C19orf53: variants seen among roughly 807,000 people sequenced by gnomAD.
The protein encoded by C19orf53 is chromosome 19 open reading frame 53.
Under a neutral mutation model 6.5 loss-of-function variants are expected in C19orf53, and 9 were observed. The ratio of observed to expected loss-of-function variants is 1.38; its 90% CI spans 0.83 to 2.40. C19orf53 has a LOEUF of 2.40. Among genes scored for constraint, C19orf53 ranks in the 30% most tolerant of loss-of-function variants. The pLI is 0.00. For missense variants in C19orf53, 166 were observed against 129.7 expected (o/e 1.28, Z -1.36); for synonymous variants, 68 against 52.5 (o/e 1.29, Z -1.27).
At chr19:13,776,865 A>G (rs1165506524) in intron 2 of C19orf53, among the ~76,000 whole-genome samples, 4 of 152,196 alleles carry the variant, frequency 2.6e-5, no homozygotes, top group African/African-American at 9.7e-5. Context: ...CGGTACATGC[A>G]CTGAATTCCA....
chr19:13,778,028 G>C, intron 2 of C19orf53, 24 bp from the exon 3 acceptor site: 3 of 1,592,846 alleles, frequency 1.9e-6, no homozygotes, highest in Admixed American at 1.7e-5. Context: ...GTCACAATCT[G>C]ACTGCCCCGT....
intron 2 of C19orf53, chr19:13,775,044 G>T (rs1974353657): frequency 6.7e-6 from 3 of 446,348 alleles, no homozygotes; most frequent in Non-Finnish European, 1.2e-5. Context: ...CAGCTCTGTG[G>T]GCCTCCCTTT....
At chr19:13,775,092 A>C (rs1353675803) in intron 2 of C19orf53, among the ~76,000 whole-genome samples, 3 of 152,094 alleles carry the variant, frequency 2.0e-5, no homozygotes, top group Non-Finnish European at 4.4e-5. Context: ...ACCACTTACC[A>C]CTTCAAAAGG....
At position 13,774,603 on chromosome 19, in the gene C19orf53, G is replaced by A. The variant is rs750159793; in HGVS notation, c.97+29G>A. On this transcript the variant is annotated intron_variant, in intron 1 of 2. Coordinates refer to ENST00000588234, the MANE Select transcript of C19orf53 (RefSeq NM_014047.3). ...AGGAGCGGCCCGGGGACTTGGGGGCGAGGTGGACCCCCGGCTTCCCGGCCT... is the reference window on the plus strand; with the variant it reads ...AGGAGCGGCCCGGGGACTTGGGGGCAAGGTGGACCCCCGGCTTCCCGGCCT... 3.7e-6 allele frequency: 6 copies of A among 1,613,700 alleles called. No individual in the cohort carries two copies. In the South Asian group the frequency reaches 5.5e-5, roughly 15 times the overall value.
Position 13,778,266 on chromosome 19 carries a change from C to G in C19orf53, c.*68C>G, listed in dbSNP as rs1265718069. On this transcript the variant is annotated 3_prime_UTR_variant, in exon 3 of 3. Transcript: ENST00000588234. ...CCATATGGGACCTTGCAAGTCATCC[C>G]ACAGGCTGCACTGTCAGGAAGAGGA... is the stretch of plus-strand genomic sequence containing the variant. 23 of 1,474,524 alleles carry G rather than the reference C, an allele frequency of 1.6e-5. No individual in the cohort carries two copies. The highest frequency in any genetic ancestry group is 2.0e-5 in the Non-Finnish European group (22 of 1,107,878). The allele number at this position is 1,474,524 out of a possible 1,614,324, so 91.3% of individuals were successfully genotyped here. A position where few individuals can be genotyped will look rare whatever the true frequency, so the allele number is the denominator to read the frequency against.
At chr19:13,776,823 A>G (rs915854187) in intron 2 of C19orf53, among the ~76,000 whole-genome samples, 1 of 152,206 alleles carries the variant, frequency 6.6e-6, no homozygotes, top group African/African-American at 2.4e-5. Context: ...TTAACAGTGT[A>G]ACATATTACG....
In C19orf53 at chr19:13,776,324, T is replaced by C. The variant is rs115665014; in HGVS notation, c.153+1617T>C. On this transcript the variant is annotated intron_variant, in intron 2 of 2. Coordinates refer to ENST00000588234, the MANE Select transcript of C19orf53 (RefSeq NM_014047.3). Reference sequence around the variant, plus strand: ...TCCAGAATCCACCCGCCTCCCATCTTCTTGGCCCCTACCTGGTCCCACCCA... The same window carrying C: ...TCCAGAATCCACCCGCCTCCCATCTCCTTGGCCCCTACCTGGTCCCACCCA... 6.3e-3 allele frequency among the ~76,000 whole-genome samples: 960 copies of C among 151,934 alleles called. 7 individuals carry two copies. Among genetic ancestry groups the C allele is most frequent in the African/African-American group, 0.022 (915 of 41,446 alleles).
At chr19:13,775,056 C>G (rs1974353941) in intron 2 of C19orf53, among the ~76,000 whole-genome samples, 1 of 152,110 alleles carries the variant, frequency 6.6e-6, no homozygotes, top group Admixed American at 6.6e-5. Flanking sequence ...CCTCCCTTTT[C>G]TTCCTTGTGC....
At chr19:13,774,960 A>G (rs1385981233) in intron 2 of C19orf53, 5 of 562,684 alleles carry the variant, frequency 8.9e-6, no homozygotes, top group Non-Finnish European at 1.6e-5. Context: ...GGGACGAGAG[A>G]TGAAATCTGG....
At position 13,778,481 on chromosome 19, in the gene C19orf53, C is replaced by T. The variant is rs907516974; in HGVS notation, c.*283C>T. 2.6e-5 allele frequency: 7 copies of T among 269,814 alleles called. No homozygotes were observed. Among genetic ancestry groups the T allele is most frequent in the Admixed American group, 1.6e-4 (3 of 18,908 alleles). The allele number at this position is 269,814 out of a possible 1,614,324, so 16.7% of individuals were successfully genotyped here. On this transcript the variant is annotated 3_prime_UTR_variant, in exon 3 of 3. Coordinates refer to ENST00000588234, the MANE Select transcript of C19orf53 (RefSeq NM_014047.3). ...GTCATCCCTCTTGCAGTCCTGTGTT[C>T]GGGTGAGCAGGCCAGGTGAGCCCAC...
intron 2 of C19orf53, 87 bp from the exon 3 acceptor site, chr19:13,777,965 T>C (rs1599563822): frequency 6.7e-7 from 1 of 1,502,718 alleles, no homozygotes; most frequent in Non-Finnish European, 9.0e-7. Context: ...TCTAGCCCCC[T>C]GCGAGCTCTA....
intron 2 of C19orf53, 96 bp from the exon 3 acceptor site, chr19:13,777,956 C>T: frequency 2.0e-6 from 3 of 1,476,180 alleles, no homozygotes; most frequent in Non-Finnish European, 1.8e-6. Flanking sequence ...AGTTGCTGAT[C>T]TAGCCCCCTG....
rs746725902 is a variant in C19orf53 at position 13,774,517 on chromosome 19, G to T, written c.40G>T (p.Ala14Ser). ...GCGCAAGTTTCAGGCGCACAAACCC[G>T]CAAAGAGTAAGACGGCAGCGGCAGC... ...GQRKFQAHKP[A>S]KSKTAAAASE... The change falls in exon 1 of 3, where the codon GCA (alanine) becomes TCA (serine). Residue 14 changes from alanine (A) to serine (S), a missense_variant. Ala to Ser is a moderately conservative substitution (Grantham distance 99). Transcript: ENST00000588234. 3.0e-5 allele frequency: 48 copies of T among 1,613,346 alleles called. 1 individual carries two copies. In the Middle Eastern group the frequency reaches 6.6e-4, roughly 22 times the overall value.
Position 13,774,662 on chromosome 19 carries a change from C to T in C19orf53, c.108C>T (p.Ile36=), listed in dbSNP as rs1346197746. The change falls in exon 2 of 3, where the codon ATC becomes ATT. Residue 36 remains isoleucine, a synonymous_variant. Coordinates refer to ENST00000588234, the MANE Select transcript of C19orf53 (RefSeq NM_014047.3). ...NRGPRKGGRV[I]APKKARVVQQ... ...CACATCTTTCCCCAGGTCGTGTTAT[C>T]GCTCCCAAGAAGGCGCGCGTCGTGC... is the stretch of plus-strand genomic sequence containing the variant. 2.5e-6 allele frequency: 4 copies of T among 1,610,018 alleles called. No individual in the cohort carries two copies. Among genetic ancestry groups the T allele is most frequent in the Admixed American group, 1.7e-5 (1 of 59,944 alleles).
rs1974347402 is a variant in C19orf53, at chr19:13,774,721, A to G, written c.153+14A>G. ...AAGCTCAAGAAGGTGTGCGGGGGCG[A>G]GAGATGGAGCCCGGAGGGCGGCGAG... On this transcript the variant is annotated intron_variant, in intron 2 of 2. Coordinates refer to ENST00000588234, the MANE Select transcript of C19orf53 (RefSeq NM_014047.3). 3 of 1,592,216 alleles carry G rather than the reference A, an allele frequency of 1.9e-6. No homozygotes were observed. The highest frequency in any genetic ancestry group is 4.5e-5 in the East Asian group (2 of 44,488).
In C19orf53 at chr19:13,774,655, G is replaced by A; in HGVS notation, c.101G>A (p.Arg34His). The A allele has an allele frequency of 6.2e-7, 1 of 1,610,308 alleles. No homozygotes were observed. Among genetic ancestry groups the A allele is most frequent in the African/African-American group, 1.3e-5 (1 of 74,994 alleles). ...ACGTGAGCACATCTTTCCCCAGGTC[G>A]TGTTATCGCTCCCAAGAAGGCGCGC... ...EKNRGPRKGG[R>H]VIAPKKARVV... The change falls in exon 2 of 3, where the codon CGT becomes CAT. Residue 34 changes from arginine (R) to histidine (H), a missense_variant. By Grantham distance (29) the Arg-to-His change is conservative. Transcript: ENST00000588234.
Position 13,774,724 on chromosome 19 carries a change from G to A in C19orf53, c.153+17G>A, listed in dbSNP as rs1974347477. On this transcript the variant is annotated intron_variant, in intron 2 of 2. Transcript: ENST00000588234. ...CTCAAGAAGGTGTGCGGGGGCGAGAGATGGAGCCCGGAGGGCGGCGAGTAG... is the reference window on the plus strand; with the variant it reads ...CTCAAGAAGGTGTGCGGGGGCGAGAAATGGAGCCCGGAGGGCGGCGAGTAG... The A allele has an allele frequency of 1.9e-6, 3 of 1,590,436 alleles. No homozygotes were observed. The highest frequency in any genetic ancestry group is 4.5e-5 in the East Asian group (2 of 44,480).
At chr19:13,776,539 T>C (rs945759631) in intron 2 of C19orf53, among the ~76,000 whole-genome samples, 4 of 152,152 alleles carry the variant, frequency 2.6e-5, no homozygotes, top group African/African-American at 9.7e-5. Context: ...CACAAGGCCC[T>C]GTAGAATCTG....
At chr19:13,774,771 C>G in intron 2 of C19orf53, 64 bp downstream of exon 2, 1 of 1,530,988 alleles carries the variant, frequency 6.5e-7, no homozygotes, top group Non-Finnish European at 8.8e-7. Flanking sequence ...ACCCGGAGGA[C>G]GGCGAGGGGG....
Sources: gnomAD v4.1 joint callset for allele counts (sites outside exome capture counted in the v4.1 genomes callset) on GRCh38, gnomAD v4.1.1 for gene constraint, MANE v1.5 for transcripts, NCBI Gene and HGNC (gene_info 2026-07-23, HGNC 2026-07-21) for gene names.